The following CSMD1 variants were observed in gnomAD, a reference collection of about 807,000 sequenced individuals.
The protein encoded by CSMD1 is CUB and Sushi multiple domains 1.
CSMD1 carries 213 observed loss-of-function variants against 417.5 expected under a neutral mutation model. The observed-to-expected ratio is 0.51, with a 90% CI of 0.46 to 0.57. The LOEUF is 0.57. Among genes scored for constraint, CSMD1 ranks in the 20% least tolerant of loss-of-function variants. The pLI is 0.00. For synonymous variants in CSMD1, 2,862 were observed against 1,736.8 expected (o/e 1.65, Z -16.11); for missense variants, 6,923 against 4,529.7 (o/e 1.53, Z -15.17).
intron 3 of CSMD1, among the ~76,000 whole-genome samples, chr8:4,047,477 T>C (rs761037148): frequency 6.6e-6 from 1 of 152,174 alleles, no homozygotes; most frequent in Non-Finnish European, 1.5e-5. Context: ...CTAACTCAGA[T>C]TAGTGGTAGC....
At chr8:4,206,350 C>G (rs953571034) in intron 3 of CSMD1, among the ~76,000 whole-genome samples, 19 of 152,200 alleles carry the variant, frequency 1.2e-4, no homozygotes, top group East Asian at 5.8e-4. Flanking sequence ...TCCCCTCCCC[C>G]CAACCCACCA....
intron 1 of CSMD1, among the ~76,000 whole-genome samples, chr8:4,877,071 T>A (rs1370620519): frequency 1.3e-5 from 2 of 152,132 alleles, no homozygotes; most frequent in African/African-American, 4.8e-5. Flanking sequence ...TAACAGTTAT[T>A]TCTTTCAAAT....
At chr8:3,329,848 A>C (rs1260096449) in intron 23 of CSMD1, among the ~76,000 whole-genome samples, 1 of 152,206 alleles carries the variant, frequency 6.6e-6, no homozygotes, top group Non-Finnish European at 1.5e-5. Context: ...GGCACAGGGC[A>C]CAGTGCCTAT....
chr8:4,603,603 C>A (rs548163668), intron 2 of CSMD1, among the ~76,000 whole-genome samples: 2 of 151,974 alleles, frequency 1.3e-5, no homozygotes, highest in Admixed American at 1.3e-4. Context: ...CAAAATAGTG[C>A]GAAAACATGA....
At chr8:4,138,859 G>A (rs1585399706) in intron 3 of CSMD1, among the ~76,000 whole-genome samples, 1 of 152,040 alleles carries the variant, frequency 6.6e-6, no homozygotes, top group South Asian at 2.1e-4. Flanking sequence ...AATATATTGT[G>A]AATTATTTAA....
intron 3 of CSMD1, among the ~76,000 whole-genome samples, chr8:4,282,932 T>C (rs909728308): frequency 8.5e-5 from 13 of 152,206 alleles, no homozygotes; most frequent in Admixed American, 7.9e-4. Context: ...AACATTTTAA[T>C]GTCAAATCTG....
Position 3,519,427 on chromosome 8 carries a change from G to C in CSMD1, c.1345-25701C>G, listed in dbSNP as rs79853416. ...GTCTGGTAATTGCATGCTGGTTCATGTAAAAGATGAAGTTTCTTGATCATC... is the reference window on the plus strand; with the variant it reads ...GTCTGGTAATTGCATGCTGGTTCATCTAAAAGATGAAGTTTCTTGATCATC... On this transcript the variant is annotated intron_variant, in intron 10 of 69. Coordinates refer to ENST00000635120, the MANE Select transcript of CSMD1 (RefSeq NM_033225.6). 6.1e-3 allele frequency among the ~76,000 whole-genome samples: 928 copies of C among 152,300 alleles called. 8 individuals carry two copies. The highest frequency in any genetic ancestry group is 0.021 in the African/African-American group (860 of 41,564).
chr8:3,382,441 TATATA>T (rs938120993), intron 18 of CSMD1, among the ~76,000 whole-genome samples: 38 of 141,876 alleles, frequency 2.7e-4, no homozygotes, highest in South Asian at 8.6e-4. Context: ...TATAATAACA[TATATA>T]ATATAATATA....
chr8:4,194,861 A>G (rs1417194887), intron 3 of CSMD1, among the ~76,000 whole-genome samples: 1 of 152,104 alleles, frequency 6.6e-6, no homozygotes, highest in African/African-American at 2.4e-5. Context: ...ACTGTATTAT[A>G]CCCATTTTCA....
At chr8:4,288,139 G>C (rs1035053005) in intron 3 of CSMD1, among the ~76,000 whole-genome samples, 3 of 152,096 alleles carry the variant, frequency 2.0e-5, no homozygotes, top group South Asian at 4.2e-4. Flanking sequence ...CAGCATTAAA[G>C]TTTGACTGAG....
chr8:3,522,263 T>G (rs2117456999), intron 10 of CSMD1, among the ~76,000 whole-genome samples: 1 of 152,306 alleles, frequency 6.6e-6, no homozygotes, highest in African/African-American at 2.4e-5. Flanking sequence ...AACAATAATT[T>G]CCATTAAGCA....
At chr8:3,211,335 TTGTC>T (rs1225871430) in intron 30 of CSMD1, among the ~76,000 whole-genome samples, 1 of 152,148 alleles carries the variant, frequency 6.6e-6, no homozygotes, top group Non-Finnish European at 1.5e-5. Context: ...ATGAGCAGCT[TTGTC>T]TGGTCTAAAA....
intron 42 of CSMD1, among the ~76,000 whole-genome samples, chr8:3,117,568 C>T (rs1008895150): frequency 6.6e-6 from 1 of 152,044 alleles, no homozygotes; most frequent in African/African-American, 2.4e-5. Context: ...GTGAGAATAT[C>T]GGGTTTACAG....
intron 3 of CSMD1, among the ~76,000 whole-genome samples, chr8:4,315,465 C>G (rs1158149098): frequency 1.3e-5 from 2 of 151,998 alleles, no homozygotes; most frequent in Admixed American, 6.6e-5. Flanking sequence ...AAAAAATATT[C>G]CAAGGCCTGA....
chr8:4,940,778 G>C (rs1409503655), intron 1 of CSMD1, among the ~76,000 whole-genome samples: 1 of 151,940 alleles, frequency 6.6e-6, no homozygotes, highest in Admixed American at 6.6e-5. Context: ...GAAAATGAGG[G>C]GGCAAAAAAA....
chr8:3,934,221 C>G (rs1445768424), intron 5 of CSMD1, among the ~76,000 whole-genome samples: 1 of 152,218 alleles, frequency 6.6e-6, no homozygotes, highest in Non-Finnish European at 1.5e-5. Context: ...CCTACCTAAT[C>G]AATGATGAAA....
intron 10 of CSMD1, among the ~76,000 whole-genome samples, chr8:3,509,367 A>C (rs1490740793): frequency 6.6e-6 from 1 of 152,216 alleles, no homozygotes; most frequent in Non-Finnish European, 1.5e-5. Flanking sequence ...CAACTTTGTC[A>C]TAAGAAAAAA....
chr8:4,815,812 G>C (rs1178736841), intron 1 of CSMD1, among the ~76,000 whole-genome samples: 1 of 151,070 alleles, frequency 6.6e-6, no homozygotes, highest in Non-Finnish European at 1.5e-5. Flanking sequence ...AATTATTCAA[G>C]TAATGAATGC....
At chr8:3,803,621 G>C (rs1157224769) in intron 5 of CSMD1, among the ~76,000 whole-genome samples, 3 of 152,144 alleles carry the variant, frequency 2.0e-5, no homozygotes, top group Non-Finnish European at 4.4e-5. Context: ...AGTGGACTCA[G>C]AACATTTGAG....
Sources: allele counts gnomAD v4.1 joint callset (sites outside exome capture counted in the v4.1 genomes callset), GRCh38; gene constraint gnomAD v4.1.1; transcripts MANE v1.5; gene names NCBI Gene and HGNC (gene_info 2026-07-23, HGNC 2026-07-21).